The following CADM2 variants were observed in gnomAD, a reference collection of about 807,000 sequenced individuals.
CADM2 encodes cell adhesion molecule 2.
CADM2 carries 12 observed loss-of-function variants against 49.8 expected under a neutral mutation model. That is an observed-to-expected ratio of 0.24 (90% confidence interval 0.15 to 0.39). The LOEUF (loss-of-function observed/expected upper bound fraction) is 0.39, where lower values mean the gene tolerates loss of function less well. Among genes scored for constraint, CADM2 ranks in the 10% least tolerant of loss-of-function variants. The pLI, the probability that CADM2 is intolerant of heterozygous loss-of-function variation, is 1.00. For missense variants in CADM2, 378 were observed against 492.3 expected (o/e 0.77, Z 2.20); for synonymous variants, 214 against 175.4 (o/e 1.22, Z -1.74).
intron 2 of CADM2, among the ~76,000 whole-genome samples, chr3:85,733,318 A>T (rs574593862): frequency 1.3e-5 from 2 of 152,228 alleles, no homozygotes; most frequent in Non-Finnish European, 2.9e-5. Flanking sequence ...TTATTGTAAG[A>T]TGACCCAGTG....
chr3:85,451,545 T>C (rs1213141921), intron 1 of CADM2, among the ~76,000 whole-genome samples: 1 of 152,054 alleles, frequency 6.6e-6, no homozygotes, highest in Non-Finnish European at 1.5e-5. Flanking sequence ...CCTTAAGATA[T>C]TGGGATTGCA....
chr3:85,870,000 C>A (rs2075863212), intron 3 of CADM2, among the ~76,000 whole-genome samples: 2 of 152,116 alleles, frequency 1.3e-5, no homozygotes, highest in South Asian at 4.1e-4. Flanking sequence ...TGAACCTTCT[C>A]GAATATAATC....
intron 1 of CADM2, among the ~76,000 whole-genome samples, chr3:85,015,611 G>A (rs2034217512): frequency 2.0e-5 from 3 of 152,126 alleles, no homozygotes; most frequent in Non-Finnish European, 1.5e-5. Flanking sequence ...AAGAAACCTT[G>A]ATTTTGTCGG....
chr3:85,556,796 T>C (rs1034677328), intron 1 of CADM2, among the ~76,000 whole-genome samples: 1 of 152,152 alleles, frequency 6.6e-6, no homozygotes, highest in East Asian at 1.9e-4. Context: ...GGCAACTATA[T>C]GTTGATTTAC....
intron 1 of CADM2, among the ~76,000 whole-genome samples, chr3:85,516,972 T>C (rs2060919409): frequency 1.3e-5 from 2 of 152,054 alleles, no homozygotes; most frequent in East Asian, 3.8e-4. Flanking sequence ...TGTTTTCTAT[T>C]GTTCCTTTGA....
intron 2 of CADM2, among the ~76,000 whole-genome samples, chr3:85,757,507 A>T (rs2069177660): frequency 1.3e-5 from 2 of 152,146 alleles, no homozygotes; most frequent in African/African-American, 4.8e-5. Flanking sequence ...AGGTATATAG[A>T]TAGTAGATGA....
intron 3 of CADM2, among the ~76,000 whole-genome samples, chr3:85,811,717 G>A (rs1159405486): frequency 6.6e-6 from 1 of 152,088 alleles, no homozygotes; most frequent in Non-Finnish European, 1.5e-5. Flanking sequence ...TTAGACGGTT[G>A]TGGCAGTAGA....
intron 1 of CADM2, among the ~76,000 whole-genome samples, chr3:85,641,764 A>G (rs897412495): frequency 8.2e-6 from 1 of 122,016 alleles, no homozygotes; most frequent in Non-Finnish European, 1.9e-5. Context: ...GTCTTTACTA[A>G]AAATACAAAA....
chr3:84,961,756 T>G (rs879459282), intron 1 of CADM2, among the ~76,000 whole-genome samples: 1 of 152,210 alleles, frequency 6.6e-6, no homozygotes, highest in Non-Finnish European at 1.5e-5. Context: ...CCAATCTGTG[T>G]GTGCTGGCCC....
chr3:86,064,495 G>C (rs576714770), intron 8 of CADM2, among the ~76,000 whole-genome samples: 1 of 152,098 alleles, frequency 6.6e-6, no homozygotes, highest in Non-Finnish European at 1.5e-5. Context: ...TTGCTATTGC[G>C]AGTAGTGCCG....
chr3:85,491,405 C>G (rs1450911002), intron 1 of CADM2, among the ~76,000 whole-genome samples: 1 of 152,112 alleles, frequency 6.6e-6, no homozygotes, highest in African/African-American at 2.4e-5. Context: ...TAAAAGTATA[C>G]ATTCTCTTTA....
chr3:85,763,874 C>G (rs998702412), intron 2 of CADM2, among the ~76,000 whole-genome samples: 2 of 152,062 alleles, frequency 1.3e-5, no homozygotes, highest in Non-Finnish European at 2.9e-5. Context: ...CTGATATTGC[C>G]TGGCAGTCTT....
intron 2 of CADM2, among the ~76,000 whole-genome samples, chr3:85,784,712 CTA>C (rs2070876488): frequency 6.6e-6 from 1 of 152,068 alleles, no homozygotes; most frequent in Non-Finnish European, 1.5e-5. Flanking sequence ...ATTTTTGCAT[CTA>C]TGTTCATCAG....
chr3:85,050,512 A>G (rs1349120500), intron 1 of CADM2, among the ~76,000 whole-genome samples: 1 of 152,162 alleles, frequency 6.6e-6, no homozygotes, highest in Non-Finnish European at 1.5e-5. Flanking sequence ...TTCTAAATAT[A>G]TTTTATCTCA....
intron 1 of CADM2, among the ~76,000 whole-genome samples, chr3:85,203,182 C>T (rs1307577394): frequency 2.0e-5 from 3 of 152,184 alleles, no homozygotes; most frequent in Non-Finnish European, 2.9e-5. Flanking sequence ...ACTTCAGTAA[C>T]TGGTGCAAGA....
At chr3:85,581,812 G>A (rs554838503) in intron 1 of CADM2, among the ~76,000 whole-genome samples, 33 of 150,654 alleles carry the variant, frequency 2.2e-4, no homozygotes, top group African/African-American at 7.5e-4. Context: ...AGTGAGCTTC[G>A]AGTATTTATA....
At chr3:85,685,144 C>T (rs2066163838) in intron 1 of CADM2, among the ~76,000 whole-genome samples, 1 of 152,094 alleles carries the variant, frequency 6.6e-6, no homozygotes. Flanking sequence ...GCCAGGCGCC[C>T]ACCTGGGACC....
chr3:85,589,224 G>A (rs1185363962), intron 1 of CADM2, among the ~76,000 whole-genome samples: 1 of 151,920 alleles, frequency 6.6e-6, no homozygotes, highest in Non-Finnish European at 1.5e-5. Context: ...TTGACTAACT[G>A]CCCAGATGTG....
chr3:86,036,744 C>A (rs1735214015), intron 8 of CADM2, among the ~76,000 whole-genome samples: 1 of 152,166 alleles, frequency 6.6e-6, no homozygotes, highest in Non-Finnish European at 1.5e-5. Flanking sequence ...TATCTAATTT[C>A]AAAGGCTGCT....
Sources: gnomAD v4.1 joint callset for allele counts (sites outside exome capture counted in the v4.1 genomes callset) on GRCh38, gnomAD v4.1.1 for gene constraint, MANE v1.5 for transcripts, NCBI Gene and HGNC (gene_info 2026-07-23, HGNC 2026-07-21) for gene names.